CACNA2D3: variants seen among roughly 807,000 people sequenced by gnomAD.
CACNA2D3 encodes voltage-dependent calcium channel subunit alpha-2/delta-3.
CACNA2D3 carries 60 observed loss-of-function variants against 160.6 expected under a neutral mutation model. The ratio of observed to expected loss-of-function variants is 0.37; its 90% CI spans 0.30 to 0.46. The LOEUF is 0.46. Among genes scored for constraint, CACNA2D3 ranks in the 20% least tolerant of loss-of-function variants. The probability of loss-of-function intolerance (pLI) is 1.00; values close to 1 mark genes in which losing one functional copy is unlikely to be tolerated. For synonymous variants in CACNA2D3, 558 were observed against 492.9 expected (o/e 1.13, Z -1.75); for missense variants, 1,205 against 1,365.0 (o/e 0.88, Z 1.85).
chr3:54,374,452 G>T (rs570324780), intron 3 of CACNA2D3, among the ~76,000 whole-genome samples: 7 of 152,248 alleles, frequency 4.6e-5, no homozygotes, highest in Non-Finnish European at 8.8e-5. Context: ...AGAAGACACA[G>T]CTTAGATGGT....
intron 2 of CACNA2D3, among the ~76,000 whole-genome samples, chr3:54,244,293 A>G (rs1181855456): frequency 2.6e-5 from 4 of 152,344 alleles, no homozygotes; most frequent in East Asian, 1.9e-4. Context: ...GAGGAACTGC[A>G]AGCAGCTGGT....
chr3:54,906,854 A>G (rs1433620923), intron 27 of CACNA2D3, among the ~76,000 whole-genome samples: 2 of 152,228 alleles, frequency 1.3e-5, no homozygotes, highest in Non-Finnish European at 2.9e-5. Context: ...TGATGTAGCT[A>G]TAGGTCACAC....
intron 2 of CACNA2D3, among the ~76,000 whole-genome samples, chr3:54,272,238 C>T (rs1049025522): frequency 8.5e-5 from 13 of 152,202 alleles, no homozygotes; most frequent in African/African-American, 3.1e-4. Flanking sequence ...GATTTTGAGT[C>T]ACTTCTTTGT....
At chr3:54,875,241 C>G (rs1027926067) in intron 18 of CACNA2D3, 2 of 152,240 alleles carry the variant, frequency 1.3e-5, no homozygotes, top group Admixed American at 1.3e-4. Context: ...AGCACTCCCC[C>G]ACCCCCTCCA....
chr3:55,065,528 C>T (rs944379618), intron 35 of CACNA2D3, among the ~76,000 whole-genome samples: 2 of 152,130 alleles, frequency 1.3e-5, no homozygotes, highest in Non-Finnish European at 2.9e-5. Flanking sequence ...TACCCTTAGG[C>T]ATGGGTCATG....
chr3:54,634,675 A>G, intron 10 of CACNA2D3: 1 of 151,948 alleles, frequency 6.6e-6, no homozygotes, highest in African/African-American at 2.4e-5. Context: ...TCTGGCGGGT[A>G]GGAGCGGGGG....
chr3:54,139,947 C>T (rs1699892636), intron 2 of CACNA2D3, among the ~76,000 whole-genome samples: 2 of 152,174 alleles, frequency 1.3e-5, no homozygotes, highest in Admixed American at 1.3e-4. Context: ...GGTGAGGTTC[C>T]TGAAACCGGA....
chr3:54,222,998 C>T (rs1299485929), intron 2 of CACNA2D3, among the ~76,000 whole-genome samples: 1 of 152,140 alleles, frequency 6.6e-6, no homozygotes, highest in East Asian at 1.9e-4. Context: ...CCTCTCCATT[C>T]TTGCTTTGTT....
intron 6 of CACNA2D3, among the ~76,000 whole-genome samples, chr3:54,566,091 A>C (rs1702405016): frequency 6.6e-6 from 1 of 152,214 alleles, no homozygotes; most frequent in African/African-American, 2.4e-5. Context: ...CTTCAGACAG[A>C]ATAGAGCTAT....
At chr3:54,559,536 G>A (rs1023671359) in intron 5 of CACNA2D3, among the ~76,000 whole-genome samples, 1 of 152,034 alleles carries the variant, frequency 6.6e-6, no homozygotes, top group Non-Finnish European at 1.5e-5. Flanking sequence ...CAAGTGATCT[G>A]CCCACCTCGG....
At position 54,320,486 on chromosome 3, in the gene CACNA2D3, T is replaced by C. The variant is rs949128352; in HGVS notation, c.249T>C (p.Asp83=). Residue 83 remains aspartate (D), a synonymous_variant, in exon 3 of 38, where the codon GAT becomes GAC. Coordinates refer to ENST00000474759, the MANE Select transcript of CACNA2D3 (RefSeq NM_018398.3). ...YEKDVAIEEI[D]GLQLVKKLAK... is the part of the protein sequence containing the mutation. ...AAGACGTTGCCATAGAAGAAATTGATGGCCTCCAACTGGTAAAGAAGCTGG... is the reference window on the plus strand; with the variant it reads ...AAGACGTTGCCATAGAAGAAATTGACGGCCTCCAACTGGTAAAGAAGCTGG... 9 of 1,567,872 alleles carry C rather than the reference T, an allele frequency of 5.7e-6. No homozygotes were observed. The highest frequency in any genetic ancestry group is 5.7e-5 in the Admixed American group (3 of 53,028).
intron 4 of CACNA2D3, among the ~76,000 whole-genome samples, chr3:54,462,730 A>T (rs139316953): frequency 6.6e-6 from 1 of 152,026 alleles, no homozygotes; most frequent in Non-Finnish European, 1.5e-5. Context: ...TCTTTATCCA[A>T]TTTGCCAGTC....
chr3:54,321,117 C>T (rs929772833), intron 3 of CACNA2D3, among the ~76,000 whole-genome samples: 15 of 152,116 alleles, frequency 9.9e-5, no homozygotes, highest in South Asian at 4.2e-4. Context: ...GTCAGGAGTT[C>T]GTGACCAGCC....
intron 13 of CACNA2D3, among the ~76,000 whole-genome samples, chr3:54,814,493 A>T (rs1310535645): frequency 6.6e-6 from 1 of 152,244 alleles, no homozygotes; most frequent in Non-Finnish European, 1.5e-5. Context: ...GCCAGCTCCC[A>T]GCAGCAGCAT....
chr3:54,360,508 G>A (rs1244708727), intron 3 of CACNA2D3, among the ~76,000 whole-genome samples: 1 of 152,132 alleles, frequency 6.6e-6, no homozygotes, highest in Admixed American at 6.5e-5. Flanking sequence ...TCTTGTGGCA[G>A]GACTCAGGCT....
chr3:54,148,291 A>G (rs1439409601), intron 2 of CACNA2D3, among the ~76,000 whole-genome samples: 5 of 152,250 alleles, frequency 3.3e-5, no homozygotes, highest in African/African-American at 1.2e-4. Context: ...AGGTAGACAC[A>G]GAATCAGACT....
At chr3:54,636,078 A>G (rs542796953) in intron 10 of CACNA2D3, among the ~76,000 whole-genome samples, 15 of 151,986 alleles carry the variant, frequency 9.9e-5, no homozygotes, top group African/African-American at 3.6e-4. Flanking sequence ...CCTGAGGAGT[A>G]GTAGAATAGC....
intron 4 of CACNA2D3, among the ~76,000 whole-genome samples, chr3:54,483,561 C>A (rs1700967809): frequency 6.6e-6 from 1 of 152,114 alleles, no homozygotes; most frequent in African/African-American, 2.4e-5. Flanking sequence ...AATGGATTTA[C>A]CTTCTTGTAT....
At chr3:54,748,685 A>G (rs949154257) in intron 11 of CACNA2D3, among the ~76,000 whole-genome samples, 9 of 152,076 alleles carry the variant, frequency 5.9e-5, no homozygotes, top group Admixed American at 4.6e-4. Flanking sequence ...GTATTCCAGA[A>G]CTATGTCACA....
Sources: allele counts gnomAD v4.1 joint callset (sites outside exome capture counted in the v4.1 genomes callset), GRCh38; gene constraint gnomAD v4.1.1; transcripts MANE v1.5; gene names NCBI Gene and HGNC (gene_info 2026-07-23, HGNC 2026-07-21).